Variants in SEZ6 observed in about 807,000 individuals in gnomAD.
SEZ6 encodes the protein seizure related 6 homolog.
Under a neutral mutation model 101.0 loss-of-function variants are expected in SEZ6, and 53 were observed. That is an observed-to-expected ratio of 0.52 (90% CI 0.42 to 0.66). The LOEUF (loss-of-function observed/expected upper bound fraction) is 0.66, where lower values mean the gene tolerates loss of function less well. SEZ6 is among the 30% of genes least tolerant of loss of function. SEZ6 has a pLI of 0.00. For synonymous variants in SEZ6, 488 were observed against 512.2 expected, an observed-to-expected ratio of 0.95 and a Z score of 0.64; for missense variants, 1,102 against 1,289.4, an observed-to-expected ratio of 0.85 and a Z score of 2.23.
At chr17:28,991,246 C>T (rs191530047) in intron 1 of SEZ6, among the ~76,000 whole-genome samples, 8 of 142,420 alleles carry the variant, frequency 5.6e-5, no homozygotes, top group South Asian at 4.6e-4. Context: ...GCTCTGTCAC[C>T]GAGGCTGGAG....
chr17:28,987,336 A>G (rs1416879752), intron 1 of SEZ6, among the ~76,000 whole-genome samples: 1 of 152,050 alleles, frequency 6.6e-6, no homozygotes, highest in East Asian at 1.9e-4. Flanking sequence ...CCCTCCTTAC[A>G]GTGACAATTC....
intron 1 of SEZ6, among the ~76,000 whole-genome samples, chr17:28,998,483 C>A (rs1047379956): frequency 2.6e-5 from 4 of 151,908 alleles, no homozygotes; most frequent in African/African-American, 4.8e-5. Context: ...GCAGCACATG[C>A]GATTTGGTGC....
At chr17:28,994,298 C>T (rs200134895) in intron 1 of SEZ6, among the ~76,000 whole-genome samples, 4 of 151,510 alleles carry the variant, frequency 2.6e-5, no homozygotes, top group Non-Finnish European at 4.4e-5. Flanking sequence ...TTTTTGGAGA[C>T]GGAGTCTCAC....
intron 1 of SEZ6, among the ~76,000 whole-genome samples, chr17:28,983,102 G>A (rs2041333533): frequency 6.6e-6 from 1 of 152,204 alleles, no homozygotes. Flanking sequence ...CCAAGTTCTG[G>A]AGCTAGGCAG....
At chr17:28,992,977 G>A (rs1284847670) in intron 1 of SEZ6, among the ~76,000 whole-genome samples, 1 of 152,060 alleles carries the variant, frequency 6.6e-6, no homozygotes, top group African/African-American at 2.4e-5. Context: ...AGCCCTGCCT[G>A]CCCACAGTTC....
chr17:28,987,267 C>G (rs1304580763), intron 1 of SEZ6, among the ~76,000 whole-genome samples: 2 of 152,212 alleles, frequency 1.3e-5, no homozygotes, highest in Non-Finnish European at 2.9e-5. Flanking sequence ...TCCCTGCAGA[C>G]CCCTATTATC....
chr17:28,989,431 T>A (rs1424234068), intron 1 of SEZ6, among the ~76,000 whole-genome samples: 1 of 152,198 alleles, frequency 6.6e-6, no homozygotes, highest in Admixed American at 6.5e-5. Flanking sequence ...GCAGTTTGGA[T>A]GCTAATGCAG....
Position 28,956,472 on chromosome 17 carries a change from A to C in SEZ6, c.2732-5T>G. The C allele has an allele frequency of 5.2e-6, 8 of 1,550,876 alleles. No homozygotes were observed. Among genetic ancestry groups the C allele is most frequent in the Non-Finnish European group, 6.1e-6 (7 of 1,147,958 alleles). On this transcript the variant is annotated splice_polypyrimidine_tract_variant and splice_region_variant and intron_variant, in intron 14 of 16. Coordinates refer to ENST00000317338, the MANE Select transcript of SEZ6 (RefSeq NM_178860.5). ...AGGCAGCAGGTGCCTTGGCAACTGA[A>C]GACACAGAGGGTGTGACTGGAGCAG...
intron 1 of SEZ6, among the ~76,000 whole-genome samples, chr17:29,004,646 G>A (rs1410137649): frequency 6.6e-6 from 1 of 152,160 alleles, no homozygotes; most frequent in African/African-American, 2.4e-5. Flanking sequence ...TGGAAAGATC[G>A]AGCAGGGAGG....
chr17:28,959,243 G>T lies in SEZ6; in HGVS notation c.1911-22C>A. The T allele has an allele frequency of 6.2e-7, 1 of 1,612,264 alleles. No homozygotes were observed. The highest frequency in any genetic ancestry group is 8.5e-7 in the Non-Finnish European group (1 of 1,178,948). The stretch of plus-strand genomic sequence containing the variant: ...CAGCCTGTGAAGGAGGAGCGTCAGG[G>T]CAGAGCCGGCCTGGGGGCCCGAGGA... On this transcript the variant is annotated intron_variant, in intron 9 of 16. Coordinates refer to ENST00000317338, the MANE Select transcript of SEZ6 (RefSeq NM_178860.5). The surrounding 1 kb of genome is among the most constrained non-coding windows in gnomAD (Gnocchi z 4.4).
chr17:28,964,194 G>C (rs1404584966), intron 4 of SEZ6, 47 bp from the exon 5 acceptor site: 3 of 1,485,362 alleles, frequency 2.0e-6, no homozygotes, highest in Non-Finnish European at 2.7e-6. Flanking sequence ...CAGGGTGGGG[G>C]CGGGAGCTGG....
chr17:28,955,589 C>T lies in SEZ6; in HGVS notation c.*373G>A, dbSNP rs1390739689. ...GTTAATCCTGCTGCAGGTTGCCATG[C>T]CAGGGCGGGATGGTGGTCATGTGGA... On this transcript the variant is annotated 3_prime_UTR_variant, in exon 17 of 17. Transcript: ENST00000317338. 1 of 491,698 alleles carries T rather than the reference C, an allele frequency of 2.0e-6. No individual in the cohort carries two copies. The highest frequency in any genetic ancestry group is 2.3e-5 in the Admixed American group (1 of 43,536). The allele number at this position is 491,698 out of a possible 1,614,324, so 30.5% of individuals were successfully genotyped here.
intron 3 of SEZ6, 99 bp downstream of exon 3, chr17:28,979,581 G>A: frequency 6.5e-7 from 1 of 1,535,386 alleles, no homozygotes; most frequent in African/African-American, 1.4e-5. Context: ...CACAATTGAT[G>A]CCCCTAATCA....
chr17:28,959,888 G>C lies in SEZ6; in HGVS notation c.1581C>G (p.Phe527Leu). The C allele has an allele frequency of 6.2e-7, 1 of 1,607,028 alleles. No individual in the cohort carries two copies. The highest frequency in any genetic ancestry group is 8.5e-7 in the Non-Finnish European group (1 of 1,176,780). Residue 527 changes from phenylalanine to leucine, a missense_variant, in exon 8 of 17, where the codon TTC becomes TTG. Phe to Leu is a conservative substitution (Grantham distance 22). Transcript: ENST00000317338. This position sits in a 1 kb window ranked among gnomAD's most constrained non-coding sequence, Gnocchi z 4.4. ...AGGGCTCATAGCAATGGCCCTGCTG[G>C]AAGGCTGTAAACCACAGGTCCCAGC... ...AAGMALRYEA[F>L]QQGHCYEPFV... is the part of the protein sequence containing the mutation.
chr17:28,961,123 T>G, intron 5 of SEZ6, 150 bp from the exon 6 acceptor site: 1 of 1,022,164 alleles, frequency 9.8e-7, no homozygotes, highest in Non-Finnish European at 1.4e-6. Context: ...GTCCTGAAGG[T>G]CAACCTTTTA....
At chr17:28,970,196 G>A (rs1469493121) in intron 3 of SEZ6, among the ~76,000 whole-genome samples, 1 of 152,198 alleles carries the variant, frequency 6.6e-6, no homozygotes, top group Non-Finnish European at 1.5e-5. Context: ...ATTCTTAGCA[G>A]AACTGGGGTT....
Position 28,959,572 on chromosome 17 carries a change from C to T in SEZ6, c.1772-100G>A. The T allele has an allele frequency of 6.4e-7, 1 of 1,553,916 alleles. No individual in the cohort carries two copies. The highest frequency in any genetic ancestry group is 8.7e-7 in the Non-Finnish European group (1 of 1,151,508). ...GCCCACAAATTGCTGGGACCCCCCA[C>T]CTCCTCCTTGGAGGAAGCCTGAACC... On this transcript the variant is annotated intron_variant, in intron 8 of 16. Coordinates refer to ENST00000317338, the MANE Select transcript of SEZ6 (RefSeq NM_178860.5). This position sits in a 1 kb window ranked among gnomAD's most constrained non-coding sequence, Gnocchi z 4.4.
chr17:28,957,894 A>G, intron 11 of SEZ6, 53 bp downstream of exon 11: 1 of 1,569,172 alleles, frequency 6.4e-7, no homozygotes, highest in South Asian at 1.1e-5. Context: ...AATCCAGGAG[A>G]GAGGTTTGGA....
chr17:28,995,390 GGT>G (rs1293973006), intron 1 of SEZ6, among the ~76,000 whole-genome samples: 1 of 152,136 alleles, frequency 6.6e-6, no homozygotes, highest in Non-Finnish European at 1.5e-5. Flanking sequence ...CAGGGATGGA[GGT>G]GTGAGAAGAG....
Sources: allele counts gnomAD v4.1 joint callset (sites outside exome capture counted in the v4.1 genomes callset), GRCh38; gene constraint gnomAD v4.1.1; non-coding constraint Gnocchi (gnomAD v3.1); transcripts MANE v1.5; gene names NCBI Gene and HGNC (gene_info 2026-07-23, HGNC 2026-07-21).